The following GABRB1 variants were observed in gnomAD, a reference collection of about 807,000 sequenced individuals.
The protein encoded by GABRB1 is gamma-aminobutyric acid receptor subunit beta-1.
A neutral mutation model predicts 51.6 loss-of-function variants in GABRB1; 17 were observed. The ratio of observed to expected loss-of-function variants is 0.33; its 90% CI spans 0.23 to 0.49. The LOEUF is 0.49. Among genes scored for constraint, GABRB1 ranks in the 20% least tolerant of loss-of-function variants. GABRB1 has a pLI of 0.99. For synonymous variants in GABRB1, 247 were observed against 218.9 expected, an observed-to-expected ratio of 1.13 and a Z score of -1.14; for missense variants, 410 against 600.6, an observed-to-expected ratio of 0.68 and a Z score of 3.32.
At chr4:47,023,699 G>A (rs925615157) in intron 1 of GABRB1, among the ~76,000 whole-genome samples, 1 of 151,898 alleles carries the variant, frequency 6.6e-6, no homozygotes, top group Non-Finnish European at 1.5e-5. Flanking sequence ...ATAAATGTGG[G>A]ATTTCACATG....
intron 3 of GABRB1, among the ~76,000 whole-genome samples, chr4:47,037,807 T>C (rs765149203): frequency 3.9e-5 from 6 of 152,172 alleles, no homozygotes; most frequent in Admixed American, 2.0e-4. Context: ...CTCCCCACCA[T>C]TACAGATTGA....
intron 3 of GABRB1, among the ~76,000 whole-genome samples, chr4:47,088,128 A>ATGG: frequency 6.6e-6 from 1 of 152,372 alleles, no homozygotes; most frequent in East Asian, 1.9e-4. Flanking sequence ...AAACACTTCA[A>ATGG]AAGTAGAAAA....
intron 1 of GABRB1, among the ~76,000 whole-genome samples, chr4:46,995,692 C>G (rs948334710): frequency 6.6e-6 from 1 of 152,096 alleles, no homozygotes; most frequent in African/African-American, 2.4e-5. Context: ...CTTTCTAAAA[C>G]CTAAATTTGT....
chr4:47,270,017 A>G (rs1165772137), intron 4 of GABRB1, among the ~76,000 whole-genome samples: 1 of 151,224 alleles, frequency 6.6e-6, no homozygotes, highest in Admixed American at 6.6e-5. Flanking sequence ...AACAAATTCC[A>G]GCTTCAACTA....
intron 4 of GABRB1, among the ~76,000 whole-genome samples, chr4:47,208,311 T>C (rs1258159777): frequency 3.3e-5 from 5 of 152,002 alleles, no homozygotes; most frequent in Non-Finnish European, 5.9e-5. Flanking sequence ...AGGAAGTAGA[T>C]TTGAGGTTAC....
intron 3 of GABRB1, among the ~76,000 whole-genome samples, chr4:47,045,340 G>A (rs776224545): frequency 5.9e-5 from 9 of 151,972 alleles, no homozygotes; most frequent in Non-Finnish European, 1.2e-4. Flanking sequence ...GGTTATCGAA[G>A]GCTAAATGAG....
At chr4:47,198,501 AC>A (rs1719778270) in intron 4 of GABRB1, among the ~76,000 whole-genome samples, 1 of 152,114 alleles carries the variant, frequency 6.6e-6, no homozygotes. Flanking sequence ...GGTAGTGAAA[AC>A]CTGTATCATC....
intron 3 of GABRB1, among the ~76,000 whole-genome samples, chr4:47,058,196 C>A (rs1726700416): frequency 6.6e-6 from 1 of 152,120 alleles, no homozygotes. Context: ...ATTTAGAGAA[C>A]AAAGCATTCA....
intron 1 of GABRB1, among the ~76,000 whole-genome samples, chr4:47,008,031 T>C (rs2109436472): frequency 6.6e-6 from 1 of 151,994 alleles, no homozygotes; most frequent in East Asian, 1.9e-4. Context: ...CCCTTACGCA[T>C]TATTGGTGAG....
chr4:47,261,183 T>G (rs1241779718), intron 4 of GABRB1, among the ~76,000 whole-genome samples: 2 of 151,960 alleles, frequency 1.3e-5, no homozygotes, highest in Non-Finnish European at 2.9e-5. Flanking sequence ...CCACATAGAG[T>G]TGGAAGTTCT....
chr4:47,134,135 A>G (rs1716540511), intron 3 of GABRB1, among the ~76,000 whole-genome samples: 1 of 152,162 alleles, frequency 6.6e-6, no homozygotes, highest in African/African-American at 2.4e-5. Context: ...CTTTTCTTCT[A>G]GGTTTCCATT....
At chr4:47,095,938 CT>C (rs957261095) in intron 3 of GABRB1, among the ~76,000 whole-genome samples, 12 of 152,134 alleles carry the variant, frequency 7.9e-5, no homozygotes, top group African/African-American at 2.7e-4. Context: ...AATGCAAAAT[CT>C]TTCCAAATAT....
intron 5 of GABRB1, among the ~76,000 whole-genome samples, chr4:47,328,738 A>C (rs1044938434): frequency 1.3e-5 from 2 of 151,408 alleles, no homozygotes. Flanking sequence ...GGACACAGGA[A>C]GGGGAACATC....
At chr4:47,367,865 C>A (rs1190590994) in intron 5 of GABRB1, among the ~76,000 whole-genome samples, 2 of 152,212 alleles carry the variant, frequency 1.3e-5, no homozygotes, top group Non-Finnish European at 2.9e-5. Flanking sequence ...TTTGGCTGTG[C>A]CATGCCCCAC....
chr4:47,382,913 A>G (rs1727644000), intron 5 of GABRB1, among the ~76,000 whole-genome samples: 2 of 152,206 alleles, frequency 1.3e-5, no homozygotes, highest in African/African-American at 4.8e-5. Context: ...ACCAATAATA[A>G]TCGAATCAGT....
At chr4:47,020,837 G>T (rs977827857) in intron 1 of GABRB1, among the ~76,000 whole-genome samples, 1 of 152,084 alleles carries the variant, frequency 6.6e-6, no homozygotes, top group Non-Finnish European at 1.5e-5. Flanking sequence ...TCCTTCCACT[G>T]GTTTTCCATC....
chr4:47,103,539 T>C (rs1253201261), intron 3 of GABRB1, among the ~76,000 whole-genome samples: 1 of 152,002 alleles, frequency 6.6e-6, no homozygotes, highest in Admixed American at 6.6e-5. Context: ...GTATGTGTGA[T>C]TGAAGAAATT....
intron 4 of GABRB1, among the ~76,000 whole-genome samples, chr4:47,310,330 A>T (rs952923069): frequency 6.6e-6 from 1 of 152,200 alleles, no homozygotes; most frequent in Non-Finnish European, 1.5e-5. Context: ...ATATGACAGC[A>T]TGAATATGTA....
chr4:47,406,870 A>G lies in GABRB1; in HGVS notation c.1024A>G (p.Ser342Gly), dbSNP rs1256833128. 6.2e-7 allele frequency: 1 copy of G among 1,614,198 alleles called. No individual in the cohort carries two copies. The stretch of plus-strand genomic sequence containing the variant: ...GAAAGGCCCTCAGAAAAAGGGAGCT[A>G]GCAAACAAGACCAGAGTGCCAATGA... ...FGKGPQKKGA[S>G]KQDQSANEKN... Residue 342 changes from serine to glycine, a missense_variant, in exon 8 of 9, where the codon AGC becomes GGC. Coordinates refer to ENST00000295454, the MANE Select transcript of GABRB1 (RefSeq NM_000812.4).
Sources: allele counts gnomAD v4.1 joint callset (sites outside exome capture counted in the v4.1 genomes callset), GRCh38; gene constraint gnomAD v4.1.1; transcripts MANE v1.5; gene names NCBI Gene and HGNC (gene_info 2026-07-23, HGNC 2026-07-21).